The following FAM13A variants were observed in gnomAD, a reference collection of about 807,000 sequenced individuals.
The protein encoded by FAM13A is protein FAM13A.
In FAM13A, 76 loss-of-function variants were observed where a neutral mutation model predicts 129.6. The ratio of observed to expected loss-of-function variants is 0.59; its 90% CI spans 0.49 to 0.71. The LOEUF (loss-of-function observed/expected upper bound fraction) is 0.71. Ranked by LOEUF, FAM13A falls within the 30% of genes least tolerant of loss-of-function variation. FAM13A has a pLI of 0.00. For synonymous variants in FAM13A, 443 were observed against 449.9 expected (o/e 0.98, Z 0.20); for missense variants, 1,108 against 1,249.3 (o/e 0.89, Z 1.70).
chr4:88,898,904 G>C (rs930716125), intron 6 of FAM13A, among the ~76,000 whole-genome samples: 1 of 152,056 alleles, frequency 6.6e-6, no homozygotes, highest in African/African-American at 2.4e-5. Context: ...ATTTGATCCA[G>C]TAATCCCACT....
intron 3 of FAM13A, among the ~76,000 whole-genome samples, chr4:89,004,818 A>T (rs6852373): frequency 0.76 from 114,978 of 152,000 alleles, 43,633 homozygotes; most frequent in Middle Eastern, 0.86. Flanking sequence ...AAAATATGGA[A>T]GCCCATGTTC....
At chr4:88,962,854 C>G (rs1324570976) in intron 4 of FAM13A, among the ~76,000 whole-genome samples, 1 of 152,126 alleles carries the variant, frequency 6.6e-6, no homozygotes, top group Non-Finnish European at 1.5e-5. Flanking sequence ...ACTATGACAA[C>G]TACTACAACA....
chr4:88,939,669 G>A (rs1209811036), intron 4 of FAM13A, among the ~76,000 whole-genome samples: 1 of 152,138 alleles, frequency 6.6e-6, no homozygotes, highest in East Asian at 1.9e-4. Context: ...TGGCAAAGGT[G>A]ATAGGATGTC....
intron 3 of FAM13A, among the ~76,000 whole-genome samples, chr4:88,995,495 C>T (rs959629651): frequency 2.0e-5 from 3 of 152,256 alleles, no homozygotes; most frequent in South Asian, 4.2e-4. Flanking sequence ...ATCTCTCTCC[C>T]GTTCTGGATG....
At chr4:88,901,392 AG>A (rs1747279012) in intron 6 of FAM13A, among the ~76,000 whole-genome samples, 1 of 152,146 alleles carries the variant, frequency 6.6e-6, no homozygotes, top group East Asian at 1.9e-4. Context: ...CATAATCGGA[AG>A]TAAAACACTC....
At chr4:88,842,292 C>T (rs898436541) in intron 7 of FAM13A, among the ~76,000 whole-genome samples, 1 of 152,098 alleles carries the variant, frequency 6.6e-6, no homozygotes, top group African/African-American at 2.4e-5. Context: ...AAAATGTTAG[C>T]AGAGATACGG....
chr4:88,776,685 C>T (rs1369200475), intron 11 of FAM13A, among the ~76,000 whole-genome samples: 1 of 152,026 alleles, frequency 6.6e-6, no homozygotes, highest in Non-Finnish European at 1.5e-5. Flanking sequence ...TAAGATTATG[C>T]ACCTAGTGGC....
chr4:89,043,915 A>T, intron 1 of FAM13A, among the ~76,000 whole-genome samples: 1 of 151,888 alleles, frequency 6.6e-6, no homozygotes, highest in East Asian at 1.9e-4. Context: ...TACAAAATAC[A>T]ATCAATCAAT....
intron 7 of FAM13A, among the ~76,000 whole-genome samples, chr4:88,849,856 C>T (rs1737254872): frequency 6.6e-6 from 1 of 152,212 alleles, no homozygotes; most frequent in Non-Finnish European, 1.5e-5. Flanking sequence ...CCTGGCCTCA[C>T]TCCACCTTTC....
At chr4:88,732,693 G>T (rs1738099498) in intron 21 of FAM13A, 1 of 151,310 alleles carries the variant, frequency 6.6e-6, no homozygotes, top group South Asian at 2.1e-4. Flanking sequence ...TTTAAGAATT[G>T]AGATTAGAAA....
intron 3 of FAM13A, among the ~76,000 whole-genome samples, chr4:89,001,687 G>A (rs1293698794): frequency 6.6e-6 from 1 of 152,064 alleles, no homozygotes; most frequent in Non-Finnish European, 1.5e-5. Flanking sequence ...TGTAAAATTT[G>A]CAAGTCGAAA....
chr4:89,008,336 G>T (rs1456768740), intron 3 of FAM13A, among the ~76,000 whole-genome samples: 2 of 152,128 alleles, frequency 1.3e-5, no homozygotes, highest in Admixed American at 1.3e-4. Flanking sequence ...AAATAGGGCT[G>T]GTGTCCCTAT....
chr4:88,965,218 TGAGA>T (rs796122165), intron 4 of FAM13A, among the ~76,000 whole-genome samples: 12 of 152,264 alleles, frequency 7.9e-5, no homozygotes, highest in African/African-American at 2.9e-4. Context: ...TGCCTTTCAC[TGAGA>T]GAGAGACATA....
chr4:89,035,471 AAAAG>A (rs1769264209), intron 1 of FAM13A, among the ~76,000 whole-genome samples: 1 of 151,986 alleles, frequency 6.6e-6, no homozygotes, highest in Non-Finnish European at 1.5e-5. Flanking sequence ...GAAAGAAAAG[AAAAG>A]AAAGGAAGGA....
intron 4 of FAM13A, among the ~76,000 whole-genome samples, chr4:88,969,712 T>G (rs1759819705): frequency 6.6e-6 from 1 of 152,226 alleles, no homozygotes; most frequent in African/African-American, 2.4e-5. Context: ...TTTAATTCAT[T>G]TAATCCTCCA....
At chr4:88,798,387 G>C (rs1726682206) in intron 8 of FAM13A, among the ~76,000 whole-genome samples, 1 of 152,074 alleles carries the variant, frequency 6.6e-6, no homozygotes, top group Non-Finnish European at 1.5e-5. Context: ...GAGTATTCTT[G>C]TCTGAATGGA....
At chr4:88,945,640 C>T (rs544417018) in intron 4 of FAM13A, among the ~76,000 whole-genome samples, 6 of 151,674 alleles carry the variant, frequency 4.0e-5, no homozygotes, top group East Asian at 1.9e-4. Flanking sequence ...GCTTTAGCAA[C>T]ATCCCTAATG....
At chr4:88,947,204 T>A (rs1329220484) in intron 4 of FAM13A, among the ~76,000 whole-genome samples, 1 of 151,600 alleles carries the variant, frequency 6.6e-6, no homozygotes, top group African/African-American at 2.4e-5. Flanking sequence ...AGGCCAAGAG[T>A]TCAAGACCAG....
chr4:88,746,988 C>T lies in FAM13A; in HGVS notation c.2410G>A (p.Glu804Lys). The T allele has an allele frequency of 6.2e-7, 1 of 1,613,212 alleles. No homozygotes were observed. Among genetic ancestry groups the T allele is most frequent in the Non-Finnish European group, 8.5e-7 (1 of 1,179,170 alleles). Residue 804 changes from glutamate (E) to lysine (K), a missense_variant, in exon 19 of 24, where the codon GAG becomes AAG. Transcript: ENST00000264344. ...AGAGCTTTCTGCAGAGCCACTTTCT[C>T]ATTAGCAATCTGGTCTTTGGTCATA... ...KDMTKDQIANEKVALQKALLY... is the reference protein window; with the variant it reads ...KDMTKDQIANKKVALQKALLY...
Sources: gnomAD v4.1 joint callset for allele counts (sites outside exome capture counted in the v4.1 genomes callset) on GRCh38, gnomAD v4.1.1 for gene constraint, MANE v1.5 for transcripts, NCBI Gene and HGNC (gene_info 2026-07-23, HGNC 2026-07-21) for gene names.